ACAD10: variants seen among roughly 807,000 people sequenced by gnomAD.
The protein encoded by ACAD10 is ACAD-10.
Under a neutral mutation model 116.8 loss-of-function variants are expected in ACAD10, and 112 were observed. That is an observed-to-expected ratio of 0.96 (90% confidence interval 0.82 to 1.12). The LOEUF is 1.12. Among genes scored for constraint, ACAD10 ranks in the 50% most tolerant of loss-of-function variants. The pLI is 0.00. For missense variants in ACAD10, 1,259 were observed against 1,350.2 expected, an observed-to-expected ratio of 0.93 and a Z score of 1.06; for synonymous variants, 486 against 510.6, an observed-to-expected ratio of 0.95 and a Z score of 0.65.
At chr12:111,692,398 G>A (rs1888075948) in intron 1 of ACAD10, among the ~76,000 whole-genome samples, 1 of 152,226 alleles carries the variant, frequency 6.6e-6, no homozygotes, top group Non-Finnish European at 1.5e-5. Context: ...CAAAGAGGTA[G>A]ATGAGATTTT....
At chr12:111,755,950 C>T (rs371095096) in intron 20 of ACAD10, 1 of 700,030 alleles carries the variant, frequency 1.4e-6, no homozygotes. Context: ...TGTGAGGAAA[C>T]AGGCACAGAA....
chr12:111,708,196 T>A (rs1299996630), intron 4 of ACAD10, among the ~76,000 whole-genome samples: 1 of 152,180 alleles, frequency 6.6e-6, no homozygotes, highest in Non-Finnish European at 1.5e-5. Context: ...GTTCATGCCA[T>A]CATGTGCAAA....
At chr12:111,702,362 G>C (rs760238931) in intron 3 of ACAD10, 52 bp downstream of exon 3, 3 of 1,592,342 alleles carry the variant, frequency 1.9e-6, no homozygotes, top group Non-Finnish European at 2.6e-6. Context: ...GCCTTGAGTA[G>C]TGGTTGCAAC....
chr12:111,726,766 C>A (rs1197613031), intron 8 of ACAD10, among the ~76,000 whole-genome samples: 1 of 152,162 alleles, frequency 6.6e-6, no homozygotes, highest in Non-Finnish European at 1.5e-5. Context: ...GATGCTGAGG[C>A]AGGAGAATCA....
chr12:111,696,093 G>A (rs1034376611), intron 2 of ACAD10, among the ~76,000 whole-genome samples: 2 of 150,354 alleles, frequency 1.3e-5, no homozygotes, highest in South Asian at 2.1e-4. Flanking sequence ...ATGGGATCGC[G>A]CTCTGTTTCT....
chr12:111,748,597 TGG>T, intron 17 of ACAD10, 122 bp downstream of exon 17: 1 of 1,044,210 alleles, frequency 9.6e-7, no homozygotes. Context: ...TGATGACATT[TGG>T]AGTCACATGC....
chr12:111,691,439 C>T (rs1305959267), intron 1 of ACAD10, among the ~76,000 whole-genome samples: 1 of 152,006 alleles, frequency 6.6e-6, no homozygotes, highest in Non-Finnish European at 1.5e-5. Flanking sequence ...TGGTAAACTG[C>T]AACCCAAAGG....
intron 8 of ACAD10, among the ~76,000 whole-genome samples, chr12:111,723,589 G>T (rs1239827034): frequency 3.5e-5 from 5 of 142,118 alleles, no homozygotes; most frequent in African/African-American, 1.3e-4. Context: ...CTGGCCGGGT[G>T]GGGGGCTGAC....
At chr12:111,692,643 C>A in intron 1 of ACAD10, 54 bp from the exon 2 acceptor site, 1 of 1,549,844 alleles carries the variant, frequency 6.5e-7, no homozygotes. Context: ...AGGATGGAGG[C>A]CTGGTTGGGA....
rs987470061 is a variant in ACAD10 at position 111,749,405 on chromosome 12, C to T, written c.2817+60C>T. ...GAACCACCACCTTCTGCTTTGCTGT[C>T]GGACTTCAATTCCTACCTGTTTTCT... On this transcript the variant is annotated intron_variant, in intron 18 of 20. Transcript: ENST00000313698. The T allele has an allele frequency of 1.9e-5, 29 of 1,559,272 alleles. No homozygotes were observed. The Admixed American group carries it at 4.5e-4, about 24-fold the overall frequency.
At chr12:111,688,900 C>T (rs563986622) in intron 1 of ACAD10, among the ~76,000 whole-genome samples, 1 of 150,610 alleles carries the variant, frequency 6.6e-6, no homozygotes, top group Admixed American at 6.6e-5. Flanking sequence ...CCCTAGATTG[C>T]TTATAATACT....
chr12:111,696,180 T>G (rs563866531), intron 2 of ACAD10, among the ~76,000 whole-genome samples: 1 of 151,928 alleles, frequency 6.6e-6, no homozygotes, highest in African/African-American at 2.4e-5. Flanking sequence ...TGCCTCAGGC[T>G]CCCAAGTAGC....
At chr12:111,753,013 T>C (rs973977087) in intron 18 of ACAD10, 2 of 162,162 alleles carry the variant, frequency 1.2e-5, no homozygotes, top group Non-Finnish European at 2.7e-5. Flanking sequence ...ATGTGGTGGT[T>C]CTTGCCTGTG....
At chr12:111,723,027 C>G (rs1230130739) in intron 8 of ACAD10, among the ~76,000 whole-genome samples, 3 of 145,256 alleles carry the variant, frequency 2.1e-5, no homozygotes, top group African/African-American at 7.7e-5. Flanking sequence ...GACCCCCCCC[C>G]ACCTCCCTCC....
intron 11 of ACAD10, 39 bp from the exon 12 acceptor site, chr12:111,736,792 G>A (rs773786360): frequency 5.7e-6 from 9 of 1,585,988 alleles, no homozygotes; most frequent in East Asian, 2.3e-5. Flanking sequence ...GGCGTGTCAC[G>A]TCAGTGACTA....
intron 4 of ACAD10, among the ~76,000 whole-genome samples, chr12:111,706,785 T>A (rs1888524314): frequency 6.9e-6 from 1 of 144,360 alleles, no homozygotes; most frequent in East Asian, 2.0e-4. Flanking sequence ...TATATATATT[T>A]TTTTTTTTGA....
chr12:111,727,666 G>A (rs1437235248), intron 8 of ACAD10, among the ~76,000 whole-genome samples: 1 of 152,262 alleles, frequency 6.6e-6, no homozygotes. Context: ...AATGAACCAG[G>A]GAGAAGAGAA....
rs756976669 is a variant in ACAD10 at position 111,749,346 on chromosome 12, G to GT, written c.2817+2dup. The GT allele has an allele frequency of 6.2e-7, 1 of 1,611,470 alleles. No homozygotes were observed. Among genetic ancestry groups the GT allele is most frequent in the Non-Finnish European group, 8.5e-7 (1 of 1,178,894 alleles). ...GGCCCTGGCACTCATGAAGGCCCGC[G>GT]TGAGTGCTTTCCCCCGCACCCAGCA... On this transcript the variant is annotated splice_donor_variant, in intron 18 of 20. Coordinates refer to ENST00000313698, the MANE Select transcript of ACAD10 (RefSeq NM_025247.6). LOFTEE classifies it high-confidence loss of function.
In ACAD10 at chr12:111,744,852, G is replaced by A. The variant is rs749534694; in HGVS notation, c.1924G>A (p.Ala642Thr). ...CAGGAGTTATAGCTCCGTTCCAGAAGCTTCCCCAGCTCATACCTCAAGGGG... is the reference window on the plus strand; with the variant it reads ...CAGGAGTTATAGCTCCGTTCCAGAAACTTCCCCAGCTCATACCTCAAGGGG... ...GSRSYSSVPE[A>T]SPAHTSRGGL... Residue 642 changes from alanine to threonine, a missense_variant, in exon 13 of 21, where the codon GCT becomes ACT. Coordinates refer to ENST00000313698, the MANE Select transcript of ACAD10 (RefSeq NM_025247.6). The A allele has an allele frequency of 1.2e-6, 2 of 1,614,186 alleles. No individual in the cohort carries two copies. The highest frequency in any genetic ancestry group is 1.7e-6 in the Non-Finnish European group (2 of 1,180,032).
Sources: gnomAD v4.1 joint callset for allele counts (sites outside exome capture counted in the v4.1 genomes callset) on GRCh38, gnomAD v4.1.1 for gene constraint, MANE v1.5 for transcripts, NCBI Gene and HGNC (gene_info 2026-07-23, HGNC 2026-07-21) for gene names.